The following FAM13A variants were observed in gnomAD, a reference collection of about 807,000 sequenced individuals.
The protein encoded by FAM13A is protein FAM13A.
Under a neutral mutation model 129.6 loss-of-function variants are expected in FAM13A, and 76 were observed. The ratio of observed to expected loss-of-function variants is 0.59; its 90% CI spans 0.49 to 0.71. The LOEUF is 0.71. Among genes scored for constraint, FAM13A ranks in the 30% least tolerant of loss-of-function variants. The pLI is 0.00. For synonymous variants in FAM13A, 443 were observed against 449.9 expected (o/e 0.98, Z 0.20); for missense variants, 1,108 against 1,249.3 (o/e 0.89, Z 1.70).
chr4:88,926,182 T>G (rs1364117620), intron 5 of FAM13A, among the ~76,000 whole-genome samples: 1 of 152,118 alleles, frequency 6.6e-6, no homozygotes. Flanking sequence ...GTAAAGCAGC[T>G]GGAAATTTAC....
intron 1 of FAM13A, among the ~76,000 whole-genome samples, chr4:89,037,948 C>G (rs1002668924): frequency 6.6e-6 from 1 of 152,200 alleles, no homozygotes; most frequent in Non-Finnish European, 1.5e-5. Context: ...ACAATTAAAC[C>G]TCTTTTCTTT....
In FAM13A at chr4:88,922,464, C is replaced by T. The variant is rs535543060; in HGVS notation, c.759+15624G>A. On this transcript the variant is annotated intron_variant, in intron 5 of 23. Transcript: ENST00000264344. ...TCCTGAGTGACTACTGGGTACATAA[C>T]GAAATGAAGGCAGAAATAAAGATGT... Among the ~76,000 whole-genome samples the T allele has an allele frequency of 8.4e-4, 127 of 152,028 alleles. 1 individual carries two copies. The highest frequency in any genetic ancestry group is 2.7e-3 in the African/African-American group (110 of 41,436).
chr4:88,865,047 A>G (rs546042445), intron 6 of FAM13A, among the ~76,000 whole-genome samples: 5 of 152,250 alleles, frequency 3.3e-5, no homozygotes, highest in Non-Finnish European at 7.3e-5. Context: ...AAAAAATGTA[A>G]TTGGATTCCT....
At chr4:88,912,072 T>G (rs1418526300) in intron 5 of FAM13A, among the ~76,000 whole-genome samples, 1 of 152,230 alleles carries the variant, frequency 6.6e-6, no homozygotes, top group Non-Finnish European at 1.5e-5. Flanking sequence ...TTAGCTTCCA[T>G]GACATCACTG....
rs765269089 is a variant in FAM13A at position 88,797,613 on chromosome 4, C to T, written c.1050-6986G>A. Among the ~76,000 whole-genome samples, 11 of 152,058 alleles carry T rather than the reference C, an allele frequency of 7.2e-5. No homozygotes were observed. The East Asian group carries it at 7.7e-4, about 11-fold the overall frequency. ...CCTGTTCCTTTTCATTCCAGAAGGGCGTCTCCAGTTTCTCTTTTATCATGT... is the reference window on the plus strand; with the variant it reads ...CCTGTTCCTTTTCATTCCAGAAGGGTGTCTCCAGTTTCTCTTTTATCATGT... On this transcript the variant is annotated intron_variant, in intron 8 of 23. Transcript: ENST00000264344.
chr4:88,815,326 C>T (rs1183186372), intron 7 of FAM13A, among the ~76,000 whole-genome samples: 1 of 152,086 alleles, frequency 6.6e-6, no homozygotes, highest in African/African-American at 2.4e-5. Flanking sequence ...TTTTACCACC[C>T]CTGGCCCCAC....
chr4:88,930,437 T>C (rs1178107742), intron 5 of FAM13A, among the ~76,000 whole-genome samples: 1 of 152,180 alleles, frequency 6.6e-6, no homozygotes, highest in African/African-American at 2.4e-5. Flanking sequence ...AATCTTTGTA[T>C]GACACTCAGC....
In FAM13A at chr4:88,745,434, T is replaced by G. The variant is rs183088338; in HGVS notation, c.2466+1498A>C. 2.4e-3 allele frequency among the ~76,000 whole-genome samples: 367 copies of G among 152,296 alleles called. 5 individuals carry two copies. The highest frequency in any genetic ancestry group is 3.2e-4 in the Non-Finnish European group (22 of 68,020). ...ATACTCAATTGGCAGCAAGGTGAAG[T>G]CTATCTAGAACACAGCTGTGAGCTC... is the stretch of plus-strand genomic sequence containing the variant. On this transcript the variant is annotated intron_variant, in intron 19 of 23. Coordinates refer to ENST00000264344, the MANE Select transcript of FAM13A (RefSeq NM_014883.4).
At chr4:88,836,749 C>T (rs1217174674) in intron 7 of FAM13A, among the ~76,000 whole-genome samples, 3 of 152,142 alleles carry the variant, frequency 2.0e-5, no homozygotes, top group Middle Eastern at 3.4e-3. Flanking sequence ...CACCTGAGGT[C>T]GGGAGTTTGA....
intron 9 of FAM13A, among the ~76,000 whole-genome samples, chr4:88,789,469 G>A (rs189093695): frequency 1.3e-5 from 2 of 152,216 alleles, no homozygotes; most frequent in African/African-American, 4.8e-5. Flanking sequence ...CTTGCCAAGA[G>A]AAGATGCTCC....
chr4:88,938,786 G>A (rs1207585068), intron 4 of FAM13A, among the ~76,000 whole-genome samples: 2 of 152,070 alleles, frequency 1.3e-5, no homozygotes, highest in African/African-American at 2.4e-5. Flanking sequence ...AAAAATAGTT[G>A]AAAATATATC....
chr4:89,042,477 A>G (rs927799436), intron 1 of FAM13A, among the ~76,000 whole-genome samples: 2 of 152,184 alleles, frequency 1.3e-5, no homozygotes, highest in Non-Finnish European at 2.9e-5. Context: ...GAAAAACTCA[A>G]AGCAGTTCGT....
intron 4 of FAM13A, among the ~76,000 whole-genome samples, chr4:88,973,300 T>C (rs1760399655): frequency 6.6e-6 from 1 of 152,178 alleles, no homozygotes; most frequent in African/African-American, 2.4e-5. Flanking sequence ...TTATATCTTT[T>C]ACAATTATAC....
intron 4 of FAM13A, among the ~76,000 whole-genome samples, chr4:88,953,315 C>T (rs990456772): frequency 3.3e-5 from 5 of 151,416 alleles, no homozygotes; most frequent in South Asian, 2.1e-4. Context: ...ATTAGCCGGG[C>T]GTGGTGGCAG....
At chr4:89,025,082 A>G (rs2149118860) in intron 2 of FAM13A, among the ~76,000 whole-genome samples, 1 of 152,244 alleles carries the variant, frequency 6.6e-6, no homozygotes, top group South Asian at 2.1e-4. Flanking sequence ...CAAAATTTTC[A>G]TATGTTGATG....
intron 5 of FAM13A, among the ~76,000 whole-genome samples, chr4:88,909,032 G>A (rs1484659610): frequency 6.6e-6 from 1 of 152,182 alleles, no homozygotes; most frequent in East Asian, 1.9e-4. Flanking sequence ...ATGCAGTTAA[G>A]TATGAAATAG....
intron 4 of FAM13A, among the ~76,000 whole-genome samples, chr4:88,986,813 A>G (rs1048315454): frequency 6.6e-6 from 1 of 152,248 alleles, no homozygotes; most frequent in African/African-American, 2.4e-5. Context: ...GTTAAGAAAG[A>G]TTATTATAAT....
intron 1 of FAM13A, 64 bp from the exon 2 acceptor site, chr4:89,029,713 A>T (rs766442515): frequency 8.4e-5 from 110 of 1,304,512 alleles, no homozygotes; most frequent in Non-Finnish European, 1.1e-4. Flanking sequence ...GCATGGTTAC[A>T]ACAGAAACAC....
At chr4:88,910,654 CT>C (rs201111714) in intron 5 of FAM13A, among the ~76,000 whole-genome samples, 605 of 142,500 alleles carry the variant, frequency 4.2e-3, no homozygotes, top group African/African-American at 7.5e-3. Context: ...GGTTTTAATT[CT>C]TTTTTTTTTT....
Sources: gnomAD v4.1 joint callset for allele counts (sites outside exome capture counted in the v4.1 genomes callset) on GRCh38, gnomAD v4.1.1 for gene constraint, MANE v1.5 for transcripts, NCBI Gene and HGNC (gene_info 2026-07-23, HGNC 2026-07-21) for gene names.